Variants in ART3 observed in about 807,000 individuals in gnomAD.
ART3 encodes the protein ecto-ADP-ribosyltransferase 3.
A neutral mutation model predicts 48.5 loss-of-function variants in ART3; 49 were observed. The ratio of observed to expected loss-of-function variants is 1.01; its 90% CI spans 0.80 to 1.28. ART3 has a LOEUF of 1.28. ART3 is among the 50% of genes most tolerant of loss of function. The pLI is 0.00. For missense variants in ART3, 438 were observed against 454.3 expected, an observed-to-expected ratio of 0.96 and a Z score of 0.33; for synonymous variants, 145 against 157.2, an observed-to-expected ratio of 0.92 and a Z score of 0.58.
chr4:76,109,245 C>CT lies in ART3; in HGVS notation c.1036+1461dup, dbSNP rs56062839. On this transcript the variant is annotated intron_variant, in intron 11 of 11. Transcript: ENST00000355810. The stretch of plus-strand genomic sequence containing the variant: ...CTATTCTATAAAGCTTTTTTATCAC[C>CT]TTTTTTTTTAACTTTTTAAACTTTT... Among the ~76,000 whole-genome samples, 61 of 151,400 alleles carry CT rather than the reference C, an allele frequency of 4.0e-4. 2 individuals carry two copies. In the South Asian group the frequency reaches 5.6e-3, roughly 14 times the overall value.
chr4:76,063,498 A>G (rs1258340752), intron 1 of ART3, among the ~76,000 whole-genome samples: 3 of 152,210 alleles, frequency 2.0e-5, no homozygotes, highest in Non-Finnish European at 4.4e-5. Context: ...AGAAGCTTAT[A>G]ATCTGTAGTT....
intron 8 of ART3, among the ~76,000 whole-genome samples, chr4:76,101,335 A>T (rs1727265593): frequency 6.6e-6 from 1 of 152,238 alleles, no homozygotes; most frequent in Non-Finnish European, 1.5e-5. Flanking sequence ...GTTTTTTCTA[A>T]ATTAAAATGA....
intron 3 of ART3, among the ~76,000 whole-genome samples, chr4:76,090,858 T>C (rs1445243663): frequency 6.6e-6 from 1 of 152,216 alleles, no homozygotes; most frequent in East Asian, 1.9e-4. Context: ...CATTTTACAT[T>C]TGTTGCTTAC....
intron 1 of ART3, chr4:76,034,981 T>G (rs1734221354): frequency 6.7e-7 from 1 of 1,483,496 alleles, no homozygotes; most frequent in Admixed American, 1.7e-5. Context: ...TCCACATTAT[T>G]TTCTTTTTCA....
intron 1 of ART3, among the ~76,000 whole-genome samples, chr4:76,014,404 G>A (rs1215390102): frequency 6.6e-6 from 1 of 152,152 alleles, no homozygotes; most frequent in African/African-American, 2.4e-5. Flanking sequence ...AAACTGAAGT[G>A]AAAAAATTTA....
At chr4:76,110,109 TA>T (rs1295069025) in intron 11 of ART3, among the ~76,000 whole-genome samples, 1 of 115,322 alleles carries the variant, frequency 8.7e-6, no homozygotes, top group Non-Finnish European at 1.7e-5. Context: ...GAAAAACATT[TA>T]TTTTTTTTTT....
intron 1 of ART3, among the ~76,000 whole-genome samples, chr4:76,040,445 C>CACACACGCACACAG (rs1734849587): frequency 1.0e-5 from 1 of 97,246 alleles, no homozygotes; most frequent in Non-Finnish European, 2.1e-5. Context: ...GATACACACA[C>CACACACGCACACAG]ACACACACAC....
chr4:76,104,440 A>G (rs1728022196), intron 9 of ART3, 157 bp from the exon 10 acceptor site: 1 of 985,442 alleles, frequency 1.0e-6, no homozygotes, highest in Non-Finnish European at 1.2e-6. Flanking sequence ...TTTGTATAAT[A>G]AGGGTTTACG....
Position 76,075,966 on chromosome 4 carries a change from T to A in ART3, c.69+8T>A, listed in dbSNP as rs1304060438. On this transcript the variant is annotated splice_region_variant and intron_variant, in intron 2 of 11. Transcript: ENST00000355810. ...CTAGTGGACATTTTCCAGGTAATGT[T>A]GGGAATGGGAAGCATGTGGTCATTG... 6.2e-7 allele frequency: 1 copy of A among 1,602,070 alleles called. No homozygotes were observed. The highest frequency in any genetic ancestry group is 8.5e-7 in the Non-Finnish European group (1 of 1,171,824).
At chr4:76,085,291 A>G (rs953519324) in intron 3 of ART3, among the ~76,000 whole-genome samples, 3 of 152,200 alleles carry the variant, frequency 2.0e-5, no homozygotes, top group African/African-American at 7.2e-5. Flanking sequence ...TCTTGACTAA[A>G]TGTAGCCAAG....
intron 1 of ART3, among the ~76,000 whole-genome samples, chr4:76,058,784 T>C (rs1219651815): frequency 6.6e-6 from 1 of 152,198 alleles, no homozygotes; most frequent in Admixed American, 6.5e-5. Context: ...GAATTGTGGC[T>C]TGTTAAAAGA....
chr4:76,064,951 C>T lies in ART3; in HGVS notation c.-9-10930C>T, dbSNP rs368297059. Among the ~76,000 whole-genome samples, 15 of 151,952 alleles carry T rather than the reference C, an allele frequency of 9.9e-5. No individual in the cohort carries two copies. In the East Asian group the frequency reaches 1.5e-3, roughly 16 times the overall value. ...GGTTCAAGCGATTCTCCTGCCTCAG[C>T]GTCCTGAGTAGCTGGGATTACAGGC... is the stretch of plus-strand genomic sequence containing the variant. On this transcript the variant is annotated intron_variant, in intron 1 of 9. Coordinates refer to the ART3 transcript ENST00000341029.
chr4:76,029,727 T>C (rs976252746), intron 1 of ART3, among the ~76,000 whole-genome samples: 2 of 152,204 alleles, frequency 1.3e-5, no homozygotes, highest in Non-Finnish European at 2.9e-5. Context: ...CTGTACTCAG[T>C]AGCCAAAAAT....
chr4:76,061,869 T>C (rs1719244683), intron 1 of ART3, among the ~76,000 whole-genome samples: 1 of 152,142 alleles, frequency 6.6e-6, no homozygotes, highest in South Asian at 2.1e-4. Flanking sequence ...GTTTAAAGAG[T>C]AAATGAGAAG....
chr4:76,081,166 G>A (rs1290221326), intron 2 of ART3, among the ~76,000 whole-genome samples: 1 of 152,132 alleles, frequency 6.6e-6, no homozygotes, highest in Non-Finnish European at 1.5e-5. Flanking sequence ...AGCCTTATTT[G>A]TTGCTTTATT....
At chr4:76,090,503 T>C (rs1041829165) in intron 3 of ART3, among the ~76,000 whole-genome samples, 5 of 152,244 alleles carry the variant, frequency 3.3e-5, no homozygotes, top group Non-Finnish European at 1.5e-5. Context: ...TTGTAATTTC[T>C]TTGGATCTGA....
chr4:76,012,658 G>A (rs1578176327), intron 1 of ART3, among the ~76,000 whole-genome samples: 1 of 152,152 alleles, frequency 6.6e-6, no homozygotes, highest in East Asian at 1.9e-4. Context: ...TGAATAAACA[G>A]TTTTGAGAGA....
In ART3 at chr4:76,022,858, T is replaced by C. The variant is rs73829006; in HGVS notation, c.-10+11538T>C. ...AACAGCAGAGAAGGTTAGCACAGTG[T>C]TCATTTTAGGCATTTAATGTAGACT... On this transcript the variant is annotated intron_variant, in intron 1 of 9. Coordinates refer to the ART3 transcript ENST00000341029. The C allele has an allele frequency of 2.9e-3, 4,570 of 1,580,666 alleles. 81 individuals carry two copies. In the African/African-American group the frequency reaches 0.047, roughly 16 times the overall value.
chr4:76,070,841 A>G (rs910488775), upstream of ART3, among the ~76,000 whole-genome samples: 1 of 152,122 alleles, frequency 6.6e-6, no homozygotes, highest in Admixed American at 6.6e-5. Context: ...TCTTTCCAGC[A>G]TCTGCCAATA....
Sources: allele counts gnomAD v4.1 joint callset (sites outside exome capture counted in the v4.1 genomes callset), GRCh38; gene constraint gnomAD v4.1.1; transcripts MANE v1.5; gene names NCBI Gene and HGNC (gene_info 2026-07-23, HGNC 2026-07-21).